ALPK2: variants seen among roughly 807,000 people sequenced by gnomAD.
The protein encoded by ALPK2 is alpha-protein kinase 2.
In ALPK2, 127 loss-of-function variants were observed where a neutral mutation model predicts 163.1. The ratio of observed to expected loss-of-function variants is 0.78; its 90% CI spans 0.67 to 0.90. The LOEUF (loss-of-function observed/expected upper bound fraction) is 0.90, where lower values mean the gene tolerates loss of function less well. Ranked by LOEUF, ALPK2 falls within the 40% of genes least tolerant of loss-of-function variation. The pLI is 0.00. For synonymous variants in ALPK2, 953 were observed against 959.1 expected (o/e 0.99, Z 0.12); for missense variants, 2,360 against 2,589.6 (o/e 0.91, Z 1.92).
chr18:58,562,122 A>C (rs2051828550), intron 4 of ALPK2, among the ~76,000 whole-genome samples: 1 of 152,218 alleles, frequency 6.6e-6, no homozygotes. Context: ...GGGCATGTTA[A>C]TTAACCTCTT....
At position 58,535,683 on chromosome 18, in the gene ALPK2, C is replaced by T. The variant is rs2051641389; in HGVS notation, c.4504G>A (p.Glu1502Lys). 6.2e-7 allele frequency: 1 copy of T among 1,614,138 alleles called. No individual in the cohort carries two copies. Among genetic ancestry groups the T allele is most frequent in the South Asian group, 1.1e-5 (1 of 91,090 alleles). The change falls in exon 5 of 13, where the codon GAA becomes AAA. Residue 1502 changes from glutamate (E) to lysine (K), a missense_variant. Physicochemically the swap from Glu to Lys is moderately conservative, Grantham distance 56. Coordinates refer to ENST00000361673, the MANE Select transcript of ALPK2 (RefSeq NM_052947.4). ...WQVLQPSEGG[E>K]RIPSGCSIGQ... ...ATGCTACATCCACTTGGAATTCTTT[C>T]ACCGCCTTCGCTGGGTTGCAGGACT...
intron 4 of ALPK2, among the ~76,000 whole-genome samples, chr18:58,563,336 C>T (rs2051834724): frequency 6.6e-6 from 1 of 152,174 alleles, no homozygotes; most frequent in African/African-American, 2.4e-5. Flanking sequence ...AATATGCATC[C>T]TATTTTTCCA....
intron 4 of ALPK2, among the ~76,000 whole-genome samples, chr18:58,571,701 A>C (rs139095862): frequency 3.2e-4 from 49 of 152,240 alleles, no homozygotes; most frequent in African/African-American, 1.2e-3. Flanking sequence ...TAAAAAGACA[A>C]ATTACAGACT....
chr18:58,579,059 G>T lies in ALPK2; in HGVS notation c.1717C>A (p.Pro573Thr). 6.2e-7 allele frequency: 1 copy of T among 1,614,208 alleles called. No individual in the cohort carries two copies. The highest frequency in any genetic ancestry group is 8.5e-7 in the Non-Finnish European group (1 of 1,180,048). ...CTTTTATCACTCTGGGTTAGTGGGG[G>T]CTCAGCAGATTCTTTGGCAGAGCAG... is the stretch of plus-strand genomic sequence containing the variant. ...HLCSAKESAE[P>T]PLTQSDKRET... Residue 573 changes from proline (P) to threonine (T), a missense_variant, in exon 4 of 13, where the codon CCC (proline) becomes ACC (threonine). Coordinates refer to ENST00000361673, the MANE Select transcript of ALPK2 (RefSeq NM_052947.4).
intron 12 of ALPK2, among the ~76,000 whole-genome samples, chr18:58,486,997 A>G (rs927927257): frequency 1.3e-5 from 2 of 152,224 alleles, no homozygotes; most frequent in African/African-American, 4.8e-5. Flanking sequence ...TGAGGGTTGA[A>G]TCTGGAGCTG....
At chr18:58,558,015 G>A (rs748843587) in intron 4 of ALPK2, among the ~76,000 whole-genome samples, 52 of 152,294 alleles carry the variant, frequency 3.4e-4, no homozygotes, top group Non-Finnish European at 2.8e-4. Flanking sequence ...CAACCTGGGA[G>A]CTTTGAGCCA....
Position 58,578,892 on chromosome 18 carries a change from T to G in ALPK2, c.1884A>C (p.Thr628=). 6.2e-7 allele frequency: 1 copy of G among 1,614,248 alleles called. No individual in the cohort carries two copies. Residue 628 remains threonine (T), a synonymous_variant, in exon 4 of 13, where the codon ACA becomes ACC. Coordinates refer to ENST00000361673, the MANE Select transcript of ALPK2 (RefSeq NM_052947.4). ...CTTGCATGCCTTCTCCCTTGCAATT[T>G]GTGTTGCCTTCTTTGGAGACTGAGT... ...STDSVSKEGN[T]NCKGEGMQVN... is the part of the protein sequence containing the mutation.
chr18:58,600,402 C>T (rs1024710074), intron 3 of ALPK2, among the ~76,000 whole-genome samples: 2 of 152,178 alleles, frequency 1.3e-5, no homozygotes, highest in Non-Finnish European at 2.9e-5. Context: ...TGAACAACAA[C>T]TCATGTTTTT....
At chr18:58,561,634 G>T (rs2051826029) in intron 4 of ALPK2, among the ~76,000 whole-genome samples, 1 of 152,174 alleles carries the variant, frequency 6.6e-6, no homozygotes, top group Non-Finnish European at 1.5e-5. Flanking sequence ...GACAACAGGG[G>T]CCTGATCACT....
At chr18:58,574,515 G>A (rs12958158) in intron 4 of ALPK2, among the ~76,000 whole-genome samples, 54,754 of 150,460 alleles carry the variant, frequency 0.36, 9,952 homozygotes, top group East Asian at 0.42. Context: ...GCCATGGACC[G>A]GTAACTGTCT....
chr18:58,557,707 TTTTGTCATTGG>T (rs751750402), intron 4 of ALPK2, among the ~76,000 whole-genome samples: 17,555 of 74,104 alleles, frequency 0.24, 1,127 homozygotes, highest in South Asian at 0.28. Flanking sequence ...TATATTTATA[TTTTGTCATTGG>T]ATTGTATTTA....
intron 9 of ALPK2, among the ~76,000 whole-genome samples, chr18:58,515,750 G>A (rs962418104): frequency 1.3e-5 from 2 of 152,332 alleles, no homozygotes; most frequent in African/African-American, 4.8e-5. Flanking sequence ...GCAGGATCAC[G>A]ATGCTTAATG....
chr18:58,499,370 A>T (rs1395671246), intron 11 of ALPK2, among the ~76,000 whole-genome samples: 1 of 152,196 alleles, frequency 6.6e-6, no homozygotes, highest in African/African-American at 2.4e-5. Flanking sequence ...GAGGGAGGAT[A>T]AGAGCTGCCA....
intron 4 of ALPK2, among the ~76,000 whole-genome samples, chr18:58,577,550 C>G (rs1035900248): frequency 1.3e-5 from 2 of 152,196 alleles, no homozygotes; most frequent in Non-Finnish European, 2.9e-5. Context: ...GGTCAAAGCA[C>G]CTCCCTAAGC....
chr18:58,494,534 G>A (rs2051391864), intron 12 of ALPK2, among the ~76,000 whole-genome samples: 1 of 152,180 alleles, frequency 6.6e-6, no homozygotes, highest in African/African-American at 2.4e-5. Context: ...GGTGTCAGCA[G>A]CCAAATATAT....
At chr18:58,607,785 G>A (rs2052106325) in intron 2 of ALPK2, among the ~76,000 whole-genome samples, 2 of 152,164 alleles carry the variant, frequency 1.3e-5, no homozygotes, top group African/African-American at 4.8e-5. Flanking sequence ...GTCATATGAA[G>A]GCAAAGGCCC....
Position 58,580,551 on chromosome 18 carries a change from A to G in ALPK2, c.228-3T>C. ...CAGCAGCATCATTTTTGGTACAGCT[A>G]GGATGAAGAGAATATATAGATAAGT... On this transcript the variant is annotated splice_region_variant and splice_polypyrimidine_tract_variant and intron_variant, in intron 3 of 12. Transcript: ENST00000361673. 4 of 1,610,672 alleles carry G rather than the reference A, an allele frequency of 2.5e-6. No homozygotes were observed. Among genetic ancestry groups the G allele is most frequent in the Non-Finnish European group, 3.4e-6 (4 of 1,178,046 alleles).
intron 3 of ALPK2, among the ~76,000 whole-genome samples, chr18:58,594,002 T>C (rs2052029105): frequency 6.9e-6 from 1 of 145,524 alleles, no homozygotes; most frequent in African/African-American, 2.5e-5. Context: ...ACCTTCACCA[T>C]CAGTTTTTTT....
Position 58,579,003 on chromosome 18 carries a change from A to C in ALPK2, c.1773T>G (p.Thr591=). 6.2e-7 allele frequency: 1 copy of C among 1,614,234 alleles called. No homozygotes were observed. Among genetic ancestry groups the C allele is most frequent in the Non-Finnish European group, 8.5e-7 (1 of 1,180,030 alleles). Residue 591 remains threonine, a synonymous_variant, in exon 4 of 13, where the codon ACT becomes ACG. Transcript: ENST00000361673. ...TTGCATCAGCATGGGAACTCCGACC[A>C]GTCGCTGCTGCTGTGGTGTGAGAAG... ...RETSHTTAAA[T]GRSSHADARE...
Sources: gnomAD v4.1 joint callset for allele counts (sites outside exome capture counted in the v4.1 genomes callset) on GRCh38, gnomAD v4.1.1 for gene constraint, MANE v1.5 for transcripts, NCBI Gene and HGNC (gene_info 2026-07-23, HGNC 2026-07-21) for gene names.